Variants in PIP4K2A observed in about 807,000 individuals in gnomAD.
The protein encoded by PIP4K2A is phosphatidylinositol-5-phosphate 4-kinase type 2 alpha.
In PIP4K2A, 14 loss-of-function variants were observed where a neutral mutation model predicts 42.9. That is an observed-to-expected ratio of 0.33 (90% confidence interval 0.22 to 0.51). The LOEUF is 0.51. Among genes scored for constraint, PIP4K2A ranks in the 20% least tolerant of loss-of-function variants. The probability of loss-of-function intolerance (pLI) is 0.97; values close to 1 mark genes in which losing one functional copy is unlikely to be tolerated. For missense variants in PIP4K2A, 434 were observed against 519.8 expected (o/e 0.83, Z 1.61); for synonymous variants, 192 against 192.2 (o/e 1.00, Z 0.01).
At position 22,537,759 on chromosome 10, in the gene PIP4K2A, G is replaced by C. The variant is rs546661858; in HGVS notation, c.1141-478C>G. 1.6e-3 allele frequency among the ~76,000 whole-genome samples: 243 copies of C among 152,314 alleles called. 1 individual carries two copies. Among genetic ancestry groups the C allele is most frequent in the African/African-American group, 5.1e-3 (210 of 41,568 alleles). ...TTCAGGACCCCTTCGTTTCTGGACA[G>C]AGGCCCCCAGCTCAGTGCTCAAACA... On this transcript the variant is annotated intron_variant, in intron 9 of 9. Transcript: ENST00000376573.
At chr10:22,713,758 C>CCGCGCGGCCCCCACACCGGGTAGCGGT (rs1833957756) in intron 1 of PIP4K2A, among the ~76,000 whole-genome samples, 5 of 151,934 alleles carry the variant, frequency 3.3e-5, no homozygotes, top group African/African-American at 1.2e-4. Flanking sequence ...GACGCGGGCG[C>CCGCGCGGCCCCCACACCGGGTAGCGGT]CGCGCGGCCC....
At chr10:22,705,923 G>A (rs191534803) in intron 1 of PIP4K2A, among the ~76,000 whole-genome samples, 37 of 152,004 alleles carry the variant, frequency 2.4e-4, no homozygotes, top group African/African-American at 8.9e-4. Context: ...GCAGGGCTGG[G>A]GAGACCTCAA....
chr10:22,681,598 C>T (rs1354505182), intron 1 of PIP4K2A, among the ~76,000 whole-genome samples: 1 of 152,004 alleles, frequency 6.6e-6, no homozygotes, highest in Non-Finnish European at 1.5e-5. Context: ...TGCCTTGAGC[C>T]TGGGGGGTAG....
intron 3 of PIP4K2A, among the ~76,000 whole-genome samples, chr10:22,604,682 G>A (rs1038350108): frequency 2.0e-5 from 3 of 152,042 alleles, no homozygotes; most frequent in African/African-American, 7.3e-5. Flanking sequence ...GTTTTTTTCC[G>A]ATATACGCAG....
At chr10:22,688,031 G>A (rs914833720) in intron 1 of PIP4K2A, among the ~76,000 whole-genome samples, 3 of 152,000 alleles carry the variant, frequency 2.0e-5, no homozygotes, top group African/African-American at 7.2e-5. Flanking sequence ...AAAGAAATAG[G>A]GGAAAAAATG....
At chr10:22,692,009 T>C (rs972520141) in intron 1 of PIP4K2A, among the ~76,000 whole-genome samples, 3 of 152,102 alleles carry the variant, frequency 2.0e-5, no homozygotes, top group South Asian at 2.1e-4. Flanking sequence ...GGGGATGGTT[T>C]TGGGATGACT....
At chr10:22,602,549 G>C (rs1837813469) in intron 3 of PIP4K2A, among the ~76,000 whole-genome samples, 1 of 152,094 alleles carries the variant, frequency 6.6e-6, no homozygotes, top group Non-Finnish European at 1.5e-5. Flanking sequence ...TGGTGTCTTT[G>C]TGTTTCTTGC....
chr10:22,638,903 CT>C (rs1323400239), intron 1 of PIP4K2A, among the ~76,000 whole-genome samples: 1 of 150,530 alleles, frequency 6.6e-6, no homozygotes, highest in African/African-American at 2.4e-5. Flanking sequence ...AATATTAGCA[CT>C]TGTTAAAGTC....
At chr10:22,697,452 A>G (rs1447166264) in intron 1 of PIP4K2A, among the ~76,000 whole-genome samples, 2 of 152,220 alleles carry the variant, frequency 1.3e-5, no homozygotes, top group Non-Finnish European at 2.9e-5. Context: ...GTGGTGGCTC[A>G]TGTCTGAAAT....
intron 7 of PIP4K2A, among the ~76,000 whole-genome samples, chr10:22,548,256 T>C (rs1836303782): frequency 2.0e-5 from 3 of 152,368 alleles, no homozygotes; most frequent in Middle Eastern, 3.4e-3. Flanking sequence ...TTTTACACCC[T>C]GCCTCCATTT....
intron 1 of PIP4K2A, among the ~76,000 whole-genome samples, chr10:22,655,251 GTC>G (rs1839077565): frequency 6.6e-6 from 1 of 152,190 alleles, no homozygotes. Flanking sequence ...TAAGGCAGAG[GTC>G]TGAAGATTTT....
intron 4 of PIP4K2A, among the ~76,000 whole-genome samples, chr10:22,574,087 C>A (rs1027878931): frequency 1.6e-5 from 1 of 64,050 alleles, no homozygotes; most frequent in African/African-American, 7.1e-5. Flanking sequence ...ACACCATTTC[C>A]GAGGAGAGTT....
chr10:22,653,055 C>G (rs1485684355), intron 1 of PIP4K2A, among the ~76,000 whole-genome samples: 1 of 152,022 alleles, frequency 6.6e-6, no homozygotes, highest in Non-Finnish European at 1.5e-5. Context: ...GATGGTGCTG[C>G]TGCACTCCGG....
rs181391768 is a variant in PIP4K2A at position 22,654,889 on chromosome 10, G to A, written c.145-45172C>T. On this transcript the variant is annotated intron_variant, in intron 1 of 9. Transcript: ENST00000376573. Reference sequence around the variant, plus strand: ...ATTAAAGCAAATCAAAGAAGGCTACGGCAAAAGTGGGCCTGGGGCTTTACC... The same window carrying A: ...ATTAAAGCAAATCAAAGAAGGCTACAGCAAAAGTGGGCCTGGGGCTTTACC... 9.3e-4 allele frequency among the ~76,000 whole-genome samples: 142 copies of A among 152,238 alleles called. 2 individuals are homozygous for A. The highest frequency in any genetic ancestry group is 7.4e-3 in the Admixed American group (113 of 15,282).
intron 1 of PIP4K2A, among the ~76,000 whole-genome samples, chr10:22,654,071 A>G (rs899596975): frequency 2.0e-5 from 3 of 152,132 alleles, no homozygotes; most frequent in Admixed American, 1.3e-4. Context: ...GATTTAATAA[A>G]TGGACGAAAG....
At chr10:22,672,131 G>T (rs1169693597) in intron 1 of PIP4K2A, among the ~76,000 whole-genome samples, 1 of 152,058 alleles carries the variant, frequency 6.6e-6, no homozygotes, top group Non-Finnish European at 1.5e-5. Flanking sequence ...GAAAAAGACC[G>T]ATGTACAATA....
intron 1 of PIP4K2A, among the ~76,000 whole-genome samples, chr10:22,671,952 A>C (rs1342437668): frequency 2.0e-5 from 3 of 152,204 alleles, no homozygotes; most frequent in Non-Finnish European, 2.9e-5. Context: ...GTTAATGTGA[A>C]ATAATTTGTT....
At chr10:22,615,153 C>A (rs1838145492) in intron 1 of PIP4K2A, among the ~76,000 whole-genome samples, 1 of 152,054 alleles carries the variant, frequency 6.6e-6, no homozygotes, top group African/African-American at 2.4e-5. Flanking sequence ...GTTGCTCAGG[C>A]TGGAGTGCAG....
At chr10:22,642,610 G>T (rs1312857742) in intron 1 of PIP4K2A, among the ~76,000 whole-genome samples, 2 of 30,054 alleles carry the variant, frequency 6.7e-5, no homozygotes, top group Non-Finnish European at 1.4e-4. Flanking sequence ...CAGTGTGTGT[G>T]TCTCTATATA....
Sources: allele counts gnomAD v4.1 joint callset (sites outside exome capture counted in the v4.1 genomes callset), GRCh38; gene constraint gnomAD v4.1.1; transcripts MANE v1.5; gene names NCBI Gene and HGNC (gene_info 2026-07-23, HGNC 2026-07-21).